The following POLR3A variants were observed in gnomAD, a reference collection of about 807,000 sequenced individuals.
POLR3A encodes the protein RNA polymerase III subunit A.
Under a neutral mutation model 152.8 loss-of-function variants are expected in POLR3A, and 112 were observed. That is an observed-to-expected ratio of 0.73 (90% confidence interval 0.63 to 0.86). POLR3A has a LOEUF of 0.86. POLR3A is among the 40% of genes least tolerant of loss of function. The pLI is 0.00. For synonymous variants in POLR3A, 615 were observed against 652.1 expected, an observed-to-expected ratio of 0.94 and a Z score of 0.87; for missense variants, 1,385 against 1,743.1, an observed-to-expected ratio of 0.79 and a Z score of 3.66.
rs1009683048 is a variant in POLR3A, at chr10:78,029,491, C to G, written c.-84G>C. 1.0e-5 allele frequency: 14 copies of G among 1,395,496 alleles called. No individual in the cohort carries two copies. The highest frequency in any genetic ancestry group is 1.4e-5 in the Non-Finnish European group (14 of 987,992). The allele number at this position is 1,395,496 out of a possible 1,614,324, so 86.4% of individuals were successfully genotyped here. A position where few individuals can be genotyped will look rare whatever the true frequency, so the allele number is the denominator to read the frequency against. ...CCCCCAGCACCTCCTGGGGCTGCTT[C>G]TGGACTCGCCGCTAACACATCTGCG... On this transcript the variant is annotated 5_prime_UTR_variant, in exon 1 of 31. Coordinates refer to ENST00000372371, the MANE Select transcript of POLR3A (RefSeq NM_007055.4).
chr10:78,017,804 AT>A, intron 9 of POLR3A, 88 bp from the exon 10 acceptor site: 1 of 1,371,974 alleles, frequency 7.3e-7, no homozygotes, highest in South Asian at 1.2e-5. Flanking sequence ...AATCTTTAAT[AT>A]ATTATTTCAT....
In POLR3A at chr10:77,976,029, A is replaced by AAG. The variant is rs1847085438; in HGVS notation, c.*1448_*1449insCT. 1.3e-5 allele frequency: 2 copies of AAG among 152,250 alleles called. No individual in the cohort carries two copies. Among genetic ancestry groups the AAG allele is most frequent in the South Asian group, 4.2e-4 (2 of 4,816 alleles). The allele number at this position is 152,250 out of a possible 1,614,324, so 9.4% of individuals were successfully genotyped here. On this transcript the variant is annotated 3_prime_UTR_variant, in exon 31 of 31. Coordinates refer to ENST00000372371, the MANE Select transcript of POLR3A (RefSeq NM_007055.4). ...ATGGCATTTTTTTTCCACATCACTG[A>AAG]TACCCCAAGAGAAGTTAATAGGTCT...
At chr10:77,992,126 T>C (rs1564615739) in intron 20 of POLR3A, among the ~76,000 whole-genome samples, 2 of 152,220 alleles carry the variant, frequency 1.3e-5, no homozygotes, top group South Asian at 4.1e-4. Flanking sequence ...GTATGTGAAG[T>C]GTGCCTGCTT....
chr10:78,009,085 G>A (rs541747247), intron 14 of POLR3A, among the ~76,000 whole-genome samples: 2 of 148,352 alleles, frequency 1.3e-5, no homozygotes, highest in African/African-American at 5.1e-5. Flanking sequence ...CCCAGTAGGT[G>A]GAAGTTGCAG....
chr10:78,009,435 A>G, intron 14 of POLR3A, 102 bp downstream of exon 14: 1 of 1,523,278 alleles, frequency 6.6e-7, no homozygotes, highest in Non-Finnish European at 9.1e-7. Flanking sequence ...TACAGAAACA[A>G]TGAATTTGCT....
Position 77,984,305 on chromosome 10 carries a change from A to G in POLR3A, c.3243-7T>C. On this transcript the variant is annotated splice_polypyrimidine_tract_variant and splice_region_variant and intron_variant, in intron 24 of 30. Transcript: ENST00000372371. The stretch of plus-strand genomic sequence containing the variant: ...TGCTGTGATAATTGGAGTGCTGTTG[A>G]GAAGCAAAGGAAAAATGGCACTAGC... 1 of 1,588,822 alleles carries G rather than the reference A, an allele frequency of 6.3e-7. No homozygotes were observed. Among genetic ancestry groups the G allele is most frequent in the Middle Eastern group, 1.7e-4 (1 of 6,022 alleles).
chr10:78,008,315 C>G (rs1030915678), intron 14 of POLR3A, among the ~76,000 whole-genome samples: 1 of 152,086 alleles, frequency 6.6e-6, no homozygotes, highest in African/African-American at 2.4e-5. Flanking sequence ...AAATTCATAT[C>G]CAAAAAGAAA....
intron 16 of POLR3A, among the ~76,000 whole-genome samples, chr10:78,003,982 T>C (rs1437882212): frequency 6.6e-6 from 1 of 151,450 alleles, no homozygotes; most frequent in East Asian, 1.9e-4. Context: ...ACACCTGTAA[T>C]CCCAGTACTT....
At chr10:78,025,909 C>G (rs1847629487) in intron 2 of POLR3A, 150 bp from the exon 3 acceptor site, 2 of 1,166,494 alleles carry the variant, frequency 1.7e-6, no homozygotes, top group Non-Finnish European at 2.5e-6. Context: ...TCTTTCTTTT[C>G]TAATTTTCAT....
At chr10:77,982,981 T>C (rs1226876342) in intron 26 of POLR3A, among the ~76,000 whole-genome samples, 164 bp from the exon 27 acceptor site, 1 of 152,212 alleles carries the variant, frequency 6.6e-6, no homozygotes, top group East Asian at 1.9e-4. Flanking sequence ...TTATGTACTA[T>C]ATGTGTATAT....
At chr10:78,002,408 C>G (rs1847366175) in intron 16 of POLR3A, 100 bp from the exon 17 acceptor site, 3 of 834,982 alleles carry the variant, frequency 3.6e-6, no homozygotes, top group African/African-American at 1.7e-5. Context: ...AATACTGAGG[C>G]AAGATGCCCG....
chr10:77,978,193 G>C (rs1032481664), intron 30 of POLR3A, among the ~76,000 whole-genome samples: 16 of 152,204 alleles, frequency 1.1e-4, no homozygotes, highest in African/African-American at 3.9e-4. Flanking sequence ...GGCACCTATA[G>C]AGTTACAGGA....
Position 77,977,449 on chromosome 10 carries a change from G to C in POLR3A, c.*29C>G. The C allele has an allele frequency of 6.2e-7, 1 of 1,612,154 alleles. No homozygotes were observed. ...AGCTGGAGACAGGACAAGGAGTCAA[G>C]GTCAGGCATGGTCCCCTCTTTCTTT... On this transcript the variant is annotated 3_prime_UTR_variant, in exon 31 of 31. Coordinates refer to ENST00000372371, the MANE Select transcript of POLR3A (RefSeq NM_007055.4).
At chr10:78,008,749 C>A (rs1290175406) in intron 14 of POLR3A, among the ~76,000 whole-genome samples, 1 of 151,972 alleles carries the variant, frequency 6.6e-6, no homozygotes, top group Non-Finnish European at 1.5e-5. Context: ...GTGGCTCACA[C>A]CTGTAATCCC....
At chr10:78,027,868 A>C (rs1206141140) in intron 1 of POLR3A, among the ~76,000 whole-genome samples, 6 of 152,134 alleles carry the variant, frequency 3.9e-5, no homozygotes, top group Admixed American at 6.6e-5. Flanking sequence ...CTGCTAGAGG[A>C]TTTTAATTGA....
chr10:77,992,888 C>CT (rs1157684809), intron 20 of POLR3A, among the ~76,000 whole-genome samples: 3 of 149,090 alleles, frequency 2.0e-5, no homozygotes, highest in Non-Finnish European at 3.0e-5. Context: ...AAACTTTTTT[C>CT]TTTTTTTTAT....
chr10:78,023,371 A>C (rs748795183), intron 5 of POLR3A, among the ~76,000 whole-genome samples: 17 of 152,072 alleles, frequency 1.1e-4, no homozygotes, highest in Non-Finnish European at 1.6e-4. Context: ...GAGGCAAAAG[A>C]ATCACTTGAA....
intron 20 of POLR3A, among the ~76,000 whole-genome samples, 200 bp downstream of exon 20, chr10:77,992,997 T>G (rs1847264060): frequency 6.6e-6 from 1 of 152,194 alleles, no homozygotes; most frequent in Non-Finnish European, 1.5e-5. Context: ...ATCACAGGCA[T>G]AAGCCATTGT....
At chr10:77,981,903 G>A (rs1847147122) in intron 28 of POLR3A, among the ~76,000 whole-genome samples, 5 of 149,642 alleles carry the variant, frequency 3.3e-5, no homozygotes, top group Admixed American at 3.3e-4. Flanking sequence ...GCCGGGCGTG[G>A]TGGTGGGTGC....
Sources: gnomAD v4.1 joint callset for allele counts (sites outside exome capture counted in the v4.1 genomes callset) on GRCh38, gnomAD v4.1.1 for gene constraint, MANE v1.5 for transcripts, NCBI Gene and HGNC (gene_info 2026-07-23, HGNC 2026-07-21) for gene names.